C20orf203: variants seen among roughly 807,000 people sequenced by gnomAD.
C20orf203 encodes the protein chromosome 20 open reading frame 203, also known as uncharacterized protein C20orf203.
A neutral mutation model predicts 15.9 loss-of-function variants in C20orf203; 16 were observed. The ratio of observed to expected loss-of-function variants is 1.01; its 90% CI spans 0.68 to 1.53. C20orf203 has a LOEUF of 1.53. Ranked by LOEUF, C20orf203 falls within the 40% of genes most tolerant of loss-of-function variation. The pLI, the probability that C20orf203 is intolerant of heterozygous loss-of-function variation, is 0.00. For missense variants in C20orf203, 263 were observed against 247.5 expected, an observed-to-expected ratio of 1.06 and a Z score of -0.42; for synonymous variants, 98 against 97.2, an observed-to-expected ratio of 1.01 and a Z score of -0.05.
intron 4 of C20orf203, among the ~76,000 whole-genome samples, chr20:32,641,978 C>T (rs1304940031): frequency 2.6e-5 from 4 of 152,110 alleles, no homozygotes; most frequent in Non-Finnish European, 5.9e-5. Context: ...GTTGGGACTA[C>T]AGGCACCAGG....
Position 32,634,230 on chromosome 20 carries a change from G to C in C20orf203, c.*1340C>G, listed in dbSNP as rs1464798105. 7 of 398,482 alleles carry C rather than the reference G, an allele frequency of 1.8e-5. No homozygotes were observed. The South Asian group carries it at 3.8e-4, about 22-fold the overall frequency. 24.7% of individuals were successfully genotyped at this position (398,482 alleles called of 1,614,324 possible). A position where few individuals can be genotyped will look rare whatever the true frequency, so the allele number is the denominator to read the frequency against. Reference sequence around the variant, plus strand: ...GGGTTGGGGGGAGGTTCCTAGCCTGGGGGCTCTGGAAAAGCTTCCTGGAGA... The same window carrying C: ...GGGTTGGGGGGAGGTTCCTAGCCTGCGGGCTCTGGAAAAGCTTCCTGGAGA... On this transcript the variant is annotated 3_prime_UTR_variant, in exon 6 of 6. Coordinates refer to ENST00000608990, the MANE Select transcript of C20orf203 (RefSeq NM_182584.4).
intron 1 of C20orf203, among the ~76,000 whole-genome samples, chr20:32,655,518 G>C (rs748840406): frequency 8.6e-5 from 13 of 151,934 alleles, no homozygotes; most frequent in Non-Finnish European, 1.5e-4. Context: ...GCTGAGCCAA[G>C]TGTGGTGCTC....
intron 1 of C20orf203, among the ~76,000 whole-genome samples, chr20:32,667,617 A>G (rs1983065976): frequency 6.6e-6 from 1 of 152,238 alleles, no homozygotes; most frequent in Admixed American, 6.5e-5. Context: ...CAAGGGCTAG[A>G]ATTGAAATAT....
At chr20:32,643,475 T>G (rs1982337697) in intron 4 of C20orf203, among the ~76,000 whole-genome samples, 1 of 152,162 alleles carries the variant, frequency 6.6e-6, no homozygotes. Flanking sequence ...AGCTGGGCTG[T>G]GTGGAGGACG....
chr20:32,639,715 T>G (rs1982230536), intron 5 of C20orf203, among the ~76,000 whole-genome samples: 1 of 145,718 alleles, frequency 6.9e-6, no homozygotes. Flanking sequence ...TCAGGGAGGG[T>G]GTATCTGTCC....
chr20:32,654,313 AC>A (rs894433215), intron 1 of C20orf203, among the ~76,000 whole-genome samples: 2 of 152,188 alleles, frequency 1.3e-5, no homozygotes, highest in African/African-American at 4.8e-5. Context: ...TAATCTGAAA[AC>A]TACAAAACAT....
intron 4 of C20orf203, among the ~76,000 whole-genome samples, chr20:32,645,317 G>A (rs1462396290): frequency 6.6e-6 from 1 of 152,218 alleles, no homozygotes; most frequent in Non-Finnish European, 1.5e-5. Flanking sequence ...GCTGCCCTCA[G>A]GTGCAGCCTC....
At chr20:32,641,750 C>T (rs1186704582) in intron 4 of C20orf203, among the ~76,000 whole-genome samples, 2 of 152,168 alleles carry the variant, frequency 1.3e-5, no homozygotes, top group South Asian at 2.1e-4. Context: ...TGCTGATTGG[C>T]CATTTATACA....
intron 1 of C20orf203, among the ~76,000 whole-genome samples, chr20:32,663,726 C>T (rs556356218): frequency 1.3e-5 from 2 of 152,378 alleles, no homozygotes; most frequent in Non-Finnish European, 2.9e-5. Context: ...GGTTCATCCC[C>T]TCCACAGCCA....
At chr20:32,668,675 G>A (rs1983092425) in intron 1 of C20orf203, among the ~76,000 whole-genome samples, 1 of 151,946 alleles carries the variant, frequency 6.6e-6, no homozygotes, top group Non-Finnish European at 1.5e-5. Context: ...ATAGCTGGGT[G>A]TGGTGGTGCA....
chr20:32,657,908 T>G (rs1177045467), intron 1 of C20orf203: 1 of 150,970 alleles, frequency 6.6e-6, no homozygotes, highest in Non-Finnish European at 1.5e-5. Context: ...TATAGTCAGC[T>G]GAGATTGCGC....
intron 1 of C20orf203, among the ~76,000 whole-genome samples, chr20:32,667,567 C>T (rs1338988017): frequency 6.6e-6 from 1 of 152,230 alleles, no homozygotes; most frequent in Non-Finnish European, 1.5e-5. Context: ...GCAGTTGCTA[C>T]TTAACAAAGC....
chr20:32,656,199 T>G (rs896886112), intron 1 of C20orf203, among the ~76,000 whole-genome samples: 6 of 152,252 alleles, frequency 3.9e-5, no homozygotes, highest in African/African-American at 1.4e-4. Context: ...TATTCCTTTA[T>G]AGCAATGCAA....
chr20:32,641,028 A>G (rs1982266143), intron 4 of C20orf203, among the ~76,000 whole-genome samples: 1 of 152,176 alleles, frequency 6.6e-6, no homozygotes, highest in South Asian at 2.1e-4. Flanking sequence ...TCATATTGAA[A>G]GACATTCAGG....
chr20:32,635,968 G>A (rs933670467), intron 5 of C20orf203, among the ~76,000 whole-genome samples: 9 of 152,136 alleles, frequency 5.9e-5, no homozygotes, highest in Non-Finnish European at 1.0e-4. Context: ...GTGAGCCCAC[G>A]TGCTCTGACT....
At chr20:32,658,588 C>A (rs918042500) in intron 1 of C20orf203, among the ~76,000 whole-genome samples, 5 of 152,132 alleles carry the variant, frequency 3.3e-5, no homozygotes, top group African/African-American at 1.2e-4. Context: ...CTACCACACC[C>A]AATCTATGAT....
intron 1 of C20orf203, among the ~76,000 whole-genome samples, chr20:32,665,442 C>T (rs1264898515): frequency 6.6e-6 from 1 of 152,182 alleles, no homozygotes; most frequent in Admixed American, 6.5e-5. Flanking sequence ...TAAACACGCA[C>T]AGGAAAGGGC....
intron 4 of C20orf203, among the ~76,000 whole-genome samples, chr20:32,645,059 TCTCAGGGC>T (rs1045290607): frequency 6.6e-5 from 10 of 151,846 alleles, no homozygotes; most frequent in Admixed American, 6.6e-4. Flanking sequence ...TAAGCCAGGT[TCTCAGGGC>T]CTCAGATATA....
In C20orf203 at chr20:32,641,778, T is replaced by C. The variant is rs538815998; in HGVS notation, c.*1178-1091A>G. Among the ~76,000 whole-genome samples, 2 of 152,338 alleles carry C rather than the reference T, an allele frequency of 1.3e-5. 1 individual carries two copies. The highest frequency in any genetic ancestry group is 4.1e-4 in the South Asian group (2 of 4,824). ...TTTATACATCTTTTTTGGAGAAATA[T>C]ATGTTTAGATCGTATCGCCATTTTT... On this transcript the variant is annotated intron_variant, in intron 4 of 5. Transcript: ENST00000608990.
Sources: allele counts gnomAD v4.1 joint callset (sites outside exome capture counted in the v4.1 genomes callset), GRCh38; gene constraint gnomAD v4.1.1; transcripts MANE v1.5; gene names NCBI Gene and HGNC (gene_info 2026-07-23, HGNC 2026-07-21).